SLC47A1: variants seen among roughly 807,000 people sequenced by gnomAD.
The protein encoded by SLC47A1 is multidrug and toxin extrusion protein 1.
SLC47A1 carries 58 observed loss-of-function variants against 65.8 expected under a neutral mutation model. The ratio of observed to expected loss-of-function variants is 0.88; its 90% confidence interval spans 0.71 to 1.10. The LOEUF is 1.10. SLC47A1 is among the 50% of genes least tolerant of loss of function. SLC47A1 has a pLI of 0.00. For synonymous variants in SLC47A1, 285 were observed against 295.0 expected (o/e 0.97, Z 0.35); for missense variants, 706 against 719.2 (o/e 0.98, Z 0.21).
chr17:19,569,742 AT>A (rs1192369047), intron 14 of SLC47A1, among the ~76,000 whole-genome samples: 1 of 152,238 alleles, frequency 6.6e-6, no homozygotes. Context: ...TCAAATAGAA[AT>A]CTTTTAAATG....
chr17:19,542,246 A>AT, intron 1 of SLC47A1, 147 bp from the exon 2 acceptor site: 1 of 474,728 alleles, frequency 2.1e-6, no homozygotes, highest in Non-Finnish European at 3.7e-6. Context: ...GAAATTGTAC[A>AT]TTTGCCTGTG....
At chr17:19,563,618 G>A (rs1263657620) in intron 12 of SLC47A1, among the ~76,000 whole-genome samples, 1 of 152,116 alleles carries the variant, frequency 6.6e-6, no homozygotes, top group African/African-American at 2.4e-5. Flanking sequence ...ATCTGACAAA[G>A]TTTGCACATA....
intron 14 of SLC47A1, among the ~76,000 whole-genome samples, chr17:19,569,206 T>C (rs1332782487): frequency 1.3e-5 from 2 of 151,800 alleles, no homozygotes; most frequent in South Asian, 2.1e-4. Context: ...ACCCCGTCTC[T>C]ACTAAAAATA....
At chr17:19,546,024 A>G (rs1359887345) in intron 2 of SLC47A1, among the ~76,000 whole-genome samples, 3 of 152,084 alleles carry the variant, frequency 2.0e-5, no homozygotes, top group African/African-American at 7.2e-5. Context: ...AGATCAAACC[A>G]TCCTGGCCAA....
In SLC47A1 at chr17:19,533,973, G is replaced by A. The variant is rs780125876; in HGVS notation, c.34G>A (p.Gly12Arg). ...EAPEEPAPVR[G>R]GPEATLEVRG... ...TCCTGAGGAGCCCGCGCCAGTGCGC[G>A]GAGGCCCGGAGGCCACCCTTGAGGT... Residue 12 changes from glycine to arginine, a missense_variant, in exon 1 of 17, where the codon GGA (glycine) becomes AGA (arginine). Transcript: ENST00000270570. The A allele has an allele frequency of 1.3e-6, 2 of 1,537,022 alleles. No individual in the cohort carries two copies. Among genetic ancestry groups the A allele is most frequent in the Non-Finnish European group, 1.7e-6 (2 of 1,144,512 alleles).
chr17:19,559,003 T>C (rs976591591), intron 10 of SLC47A1, among the ~76,000 whole-genome samples: 15 of 152,196 alleles, frequency 9.9e-5, no homozygotes, highest in African/African-American at 3.4e-4. Context: ...TCCTTTTTCC[T>C]TATTAATATT....
intron 12 of SLC47A1, among the ~76,000 whole-genome samples, chr17:19,560,849 A>G (rs918388295): frequency 6.6e-6 from 1 of 151,350 alleles, no homozygotes; most frequent in African/African-American, 2.4e-5. Context: ...ACTGCACTCC[A>G]GCCTGGGCAA....
chr17:19,562,081 G>A (rs2084315886), intron 12 of SLC47A1, among the ~76,000 whole-genome samples: 1 of 152,256 alleles, frequency 6.6e-6, no homozygotes, highest in African/African-American at 2.4e-5. Context: ...TAGAAACTTC[G>A]TGGGGGTACT....
rs1298430779 is a variant in SLC47A1 at position 19,560,246 on chromosome 17, G to A, written c.980G>A (p.Gly327Glu). 2 of 1,613,692 alleles carry A rather than the reference G, an allele frequency of 1.2e-6. No individual in the cohort carries two copies. The highest frequency in any genetic ancestry group is 1.7e-6 in the Non-Finnish European group (2 of 1,180,024). Residue 327 changes from glycine to glutamate, a missense_variant, in exon 11 of 17, where the codon GGA (glycine) becomes GAA (glutamate). Gly to Glu is a moderately conservative substitution (Grantham distance 98, BLOSUM62 -2). Coordinates refer to ENST00000270570, the MANE Select transcript of SLC47A1 (RefSeq NM_018242.3). Reference sequence around the variant, plus strand: ...CGGGTAGGAAACGCTCTGGGTGCTGGAGACATGGAGCAGGCACGGAAGTCC... The same window carrying A: ...CGGGTAGGAAACGCTCTGGGTGCTGAAGACATGGAGCAGGCACGGAAGTCC... ...SVRVGNALGAGDMEQARKSST... is the reference protein window; with the variant it reads ...SVRVGNALGAEDMEQARKSST...
At chr17:19,542,568 C>A in intron 2 of SLC47A1, 74 bp downstream of exon 2, 3 of 1,220,604 alleles carry the variant, frequency 2.5e-6, no homozygotes, top group South Asian at 1.4e-5. Context: ...AACAAATCAT[C>A]AAAATGTAGT....
At chr17:19,550,112 T>G (rs1276621609) in intron 5 of SLC47A1, among the ~76,000 whole-genome samples, 1 of 151,994 alleles carries the variant, frequency 6.6e-6, no homozygotes, top group Non-Finnish European at 1.5e-5. Flanking sequence ...AGCTAAGTGG[T>G]TTTTTTGTTT....
At chr17:19,536,415 T>C (rs1180595971) in intron 1 of SLC47A1, among the ~76,000 whole-genome samples, 1 of 152,158 alleles carries the variant, frequency 6.6e-6, no homozygotes, top group Non-Finnish European at 1.5e-5. Context: ...TATGTACATA[T>C]ATGTATACCA....
chr17:19,545,189 T>C (rs1597495691), intron 2 of SLC47A1, among the ~76,000 whole-genome samples: 2 of 151,886 alleles, frequency 1.3e-5, no homozygotes, highest in South Asian at 4.2e-4. Context: ...CAGGCTCTGC[T>C]TAATAAAAAA....
rs752618560 is a variant in SLC47A1, at chr17:19,542,499, G to A, written c.237+5G>A. Reference sequence around the variant, plus strand: ...GCAGTCACGCTGGCAATCGCGGTACGTGTGGGCTTTCTGGCAGGTTTACCA... The same window carrying A: ...GCAGTCACGCTGGCAATCGCGGTACATGTGGGCTTTCTGGCAGGTTTACCA... On this transcript the variant is annotated splice_donor_5th_base_variant and intron_variant, in intron 2 of 16. Coordinates refer to ENST00000270570, the MANE Select transcript of SLC47A1 (RefSeq NM_018242.3). 38 of 1,603,952 alleles carry A rather than the reference G, an allele frequency of 2.4e-5. No homozygotes were observed. The highest frequency in any genetic ancestry group is 1.2e-4 in the Admixed American group (7 of 57,266).
chr17:19,552,618 C>T (rs1916482935), intron 6 of SLC47A1, among the ~76,000 whole-genome samples: 1 of 152,176 alleles, frequency 6.6e-6, no homozygotes, highest in African/African-American at 2.4e-5. Context: ...AGTCTTCTTT[C>T]CTGTTCTCTG....
Position 19,577,021 on chromosome 17 carries a change from A to C in SLC47A1, c.1487-306A>C, listed in dbSNP as rs146347998. ...CTCAGCCTCCCAAAGTGCTGGGATT[A>C]CAGGCATGAGCCACCGCGCCCGGCT... is the stretch of plus-strand genomic sequence containing the variant. On this transcript the variant is annotated intron_variant, in intron 16 of 16. Transcript: ENST00000270570. Among the ~76,000 whole-genome samples, 383 of 152,238 alleles carry C rather than the reference A, an allele frequency of 2.5e-3. 13 individuals carry two copies. In the East Asian group the frequency reaches 0.061, roughly 24 times the overall value.
chr17:19,558,406 G>A (rs1269344717), intron 10 of SLC47A1, among the ~76,000 whole-genome samples: 1 of 152,078 alleles, frequency 6.6e-6, no homozygotes, highest in East Asian at 1.9e-4. Context: ...GGCACATGAT[G>A]TTGATCTGTC....
intron 12 of SLC47A1, among the ~76,000 whole-genome samples, chr17:19,566,033 C>CACA (rs2084355171): frequency 6.6e-6 from 1 of 152,178 alleles, no homozygotes; most frequent in Non-Finnish European, 1.5e-5. Flanking sequence ...GTGCTTTCCA[C>CACA]CCGCTAGTTA....
At chr17:19,543,529 T>A (rs377059183) in intron 2 of SLC47A1, among the ~76,000 whole-genome samples, 1 of 152,186 alleles carries the variant, frequency 6.6e-6, no homozygotes, top group Non-Finnish European at 1.5e-5. Context: ...CTCCCCCCCA[T>A]GCCCACTCCT....
Sources: allele counts gnomAD v4.1 joint callset (sites outside exome capture counted in the v4.1 genomes callset), GRCh38; gene constraint gnomAD v4.1.1; transcripts MANE v1.5; gene names NCBI Gene and HGNC (gene_info 2026-07-23, HGNC 2026-07-21).